The following RGL1 variants were observed in gnomAD, a reference collection of about 807,000 sequenced individuals.
RGL1 encodes the protein ral guanine nucleotide dissociation stimulator like 1.
RGL1 carries 24 observed loss-of-function variants against 95.2 expected under a neutral mutation model. That is an observed-to-expected ratio of 0.25 (90% CI 0.18 to 0.35). The LOEUF is 0.35. RGL1 is among the 10% of genes least tolerant of loss of function. The pLI, the probability that RGL1 is intolerant of heterozygous loss-of-function variation, is 1.00. For synonymous variants in RGL1, 329 were observed against 344.9 expected (o/e 0.95, Z 0.51); for missense variants, 715 against 936.3 (o/e 0.76, Z 3.08).
intron 2 of RGL1, among the ~76,000 whole-genome samples, chr1:183,817,553 G>T (rs1195620747): frequency 2.0e-5 from 3 of 152,094 alleles, no homozygotes; most frequent in Non-Finnish European, 4.4e-5. Context: ...ATCCCCCTGA[G>T]CATCTAAAGA....
intron 1 of RGL1, among the ~76,000 whole-genome samples, chr1:183,719,599 T>TA (rs202169718): frequency 0.013 from 1,930 of 151,090 alleles, 47 homozygotes; most frequent in African/African-American, 0.044. Flanking sequence ...TGTAGAATGT[T>TA]AAAAAAAAAT....
chr1:183,663,782 T>A (rs1326944867), intron 1 of RGL1, among the ~76,000 whole-genome samples: 1 of 151,026 alleles, frequency 6.6e-6, no homozygotes, highest in Non-Finnish European at 1.5e-5. Flanking sequence ...ATTGCAGCAC[T>A]ATTCACAATA....
chr1:183,779,254 T>C (rs1392550209), intron 2 of RGL1, among the ~76,000 whole-genome samples: 1 of 150,178 alleles, frequency 6.7e-6, no homozygotes, highest in East Asian at 2.0e-4. Context: ...CTTCCTCTTC[T>C]TTCTTTCTTA....
At chr1:183,768,579 C>G (rs1057298172) in intron 2 of RGL1, among the ~76,000 whole-genome samples, 1 of 150,416 alleles carries the variant, frequency 6.6e-6, no homozygotes, top group Non-Finnish European at 1.5e-5. Flanking sequence ...AGCAATCCTC[C>G]CAACTTAGCC....
chr1:183,741,562 A>T (rs1231586773), intron 1 of RGL1, among the ~76,000 whole-genome samples: 1 of 152,246 alleles, frequency 6.6e-6, no homozygotes, highest in Non-Finnish European at 1.5e-5. Flanking sequence ...CATTTCAGAC[A>T]CTACGTTGTA....
chr1:183,792,839 T>C (rs919550166), intron 2 of RGL1, among the ~76,000 whole-genome samples: 1 of 152,156 alleles, frequency 6.6e-6, no homozygotes, highest in African/African-American at 2.4e-5. Context: ...TGCTCATGTA[T>C]TGGAAGAATT....
At chr1:183,790,923 TACAC>T (rs66642623) in intron 2 of RGL1, among the ~76,000 whole-genome samples, 14 of 150,346 alleles carry the variant, frequency 9.3e-5, no homozygotes, top group Middle Eastern at 3.4e-3. Flanking sequence ...CATGTATGTG[TACAC>T]ACACACACAC....
At chr1:183,840,293 AG>A (rs1198398476) in intron 2 of RGL1, among the ~76,000 whole-genome samples, 1 of 152,124 alleles carries the variant, frequency 6.6e-6, no homozygotes, top group East Asian at 1.9e-4. Flanking sequence ...TTAGGATAAG[AG>A]GGGGTTCTAG....
chr1:183,646,794 A>G (rs12047865), intron 1 of RGL1: 10,446 of 152,250 alleles, frequency 0.069, 625 homozygotes, highest in African/African-American at 0.16. Flanking sequence ...CTGAGTTACA[A>G]TCATTGGTGA....
intron 1 of RGL1, among the ~76,000 whole-genome samples, chr1:183,666,337 T>C (rs920151305): frequency 6.6e-6 from 1 of 151,996 alleles, no homozygotes; most frequent in East Asian, 1.9e-4. Flanking sequence ...TGTATGCATT[T>C]TATATATATT....
intron 1 of RGL1, among the ~76,000 whole-genome samples, chr1:183,690,266 G>T (rs1006811132): frequency 1.3e-5 from 2 of 152,184 alleles, no homozygotes; most frequent in Admixed American, 1.3e-4. Context: ...GGAATTATTT[G>T]CAAAATGTTG....
chr1:183,692,715 AAAC>A (rs144683393), intron 1 of RGL1, among the ~76,000 whole-genome samples: 239 of 152,338 alleles, frequency 1.6e-3, no homozygotes, highest in African/African-American at 5.5e-3. Flanking sequence ...AATATGGAAC[AAAC>A]AACAATCTAT....
chr1:183,886,427 G>T (rs1315428552), intron 7 of RGL1, among the ~76,000 whole-genome samples: 1 of 151,914 alleles, frequency 6.6e-6, no homozygotes, highest in East Asian at 1.9e-4. Flanking sequence ...AAGTGTCACA[G>T]CATGTCTCAA....
rs548179249 is a variant in RGL1 at position 183,922,246 on chromosome 1, G to A, written c.2029G>A (p.Ala677Thr). Reference sequence around the variant, plus strand: ...GTTGACGAGCCAGGATAAAACCCCCGCTGTGATCCAGAGAGCCATGCTGAA... The same window carrying A: ...GTTGACGAGCCAGGATAAAACCCCCACTGTGATCCAGAGAGCCATGCTGAA... ...IMLTSQDKTP[A>T]VIQRAMLKHN... The change falls in exon 17 of 18, where the codon GCT becomes ACT. Residue 677 changes from alanine (A) to threonine (T), a missense_variant. Physicochemically the swap from Ala to Thr is moderately conservative, Grantham distance 58 (BLOSUM62 0). This residue lies in a region of RGL1 where 330 missense variants were observed against 429.6 expected (regional missense o/e 0.77). Coordinates refer to ENST00000360851, the MANE Select transcript of RGL1 (RefSeq NM_001297671.3). 52 of 1,614,004 alleles carry A rather than the reference G, an allele frequency of 3.2e-5. No homozygotes were observed. Among genetic ancestry groups the A allele is most frequent in the Middle Eastern group, 1.6e-4 (1 of 6,062 alleles).
chr1:183,651,633 C>T (rs1156464207), intron 1 of RGL1, among the ~76,000 whole-genome samples: 1 of 152,198 alleles, frequency 6.6e-6, no homozygotes, highest in African/African-American at 2.4e-5. Flanking sequence ...ACATACCCAC[C>T]AGATTCTAGA....
chr1:183,642,039 C>A (rs1256224785), intron 1 of RGL1, among the ~76,000 whole-genome samples: 1 of 150,976 alleles, frequency 6.6e-6, no homozygotes, highest in Non-Finnish European at 1.5e-5. Flanking sequence ...ACATTGAAAT[C>A]AACTTTTTCT....
intron 3 of RGL1, among the ~76,000 whole-genome samples, chr1:183,862,428 A>C (rs1665567467): frequency 6.6e-6 from 1 of 152,236 alleles, no homozygotes; most frequent in South Asian, 2.1e-4. Flanking sequence ...CAGTCCATTA[A>C]GTTCCACAAG....
chr1:183,710,742 A>G (rs1655213416), intron 1 of RGL1, among the ~76,000 whole-genome samples: 1 of 152,172 alleles, frequency 6.6e-6, no homozygotes, highest in Admixed American at 6.5e-5. Flanking sequence ...GAACTCCCTC[A>G]CTATCAAGAG....
At chr1:183,653,179 A>G (rs6661715) in intron 1 of RGL1, 12,426 of 152,204 alleles carry the variant, frequency 0.082, 995 homozygotes, top group African/African-American at 0.21. Flanking sequence ...TAGCTTCAGA[A>G]GGCAATTGTG....
Sources: allele counts gnomAD v4.1 joint callset (sites outside exome capture counted in the v4.1 genomes callset), GRCh38; gene constraint gnomAD v4.1.1; regional missense constraint gnomAD v4.1.1; transcripts MANE v1.5; gene names NCBI Gene and HGNC (gene_info 2026-07-23, HGNC 2026-07-21).